AFDN: variants seen among roughly 807,000 people sequenced by gnomAD.
The protein encoded by AFDN is afadin.
In AFDN, 68 loss-of-function variants were observed where a neutral mutation model predicts 216.6. The observed-to-expected ratio is 0.31, with a 90% CI of 0.26 to 0.38. The LOEUF is 0.38. Ranked by LOEUF, AFDN falls within the 10% of genes least tolerant of loss-of-function variation. The pLI, the probability that AFDN is intolerant of heterozygous loss-of-function variation, is 1.00. For missense variants in AFDN, 2,136 were observed against 2,342.0 expected, an observed-to-expected ratio of 0.91 and a Z score of 1.82; for synonymous variants, 868 against 853.7, an observed-to-expected ratio of 1.02 and a Z score of -0.29.
rs186907131 is a variant in AFDN at position 167,950,287 on chromosome 6, G to A, written c.3832-899G>A. Among the ~76,000 whole-genome samples the A allele has an allele frequency of 1.3e-3, 194 of 152,246 alleles. 3 individuals are homozygous for A. The highest frequency in any genetic ancestry group is 4.5e-3 in the African/African-American group (185 of 41,556). ...GTAACAGGGCAGGAAAAAGATGCTT[G>A]ATTCAGACCTCATAGTGATCATGTT... On this transcript the variant is annotated intron_variant, in intron 29 of 33. Transcript: ENST00000683244.
chr6:167,933,883 T>G (rs140652891), intron 23 of AFDN, among the ~76,000 whole-genome samples: 1 of 152,186 alleles, frequency 6.6e-6, no homozygotes, highest in Non-Finnish European at 1.5e-5. Context: ...ATATTGGCTG[T>G]GGGGTAGCCC....
At chr6:167,963,249 C>G (rs1031378962) in intron 31 of AFDN, 2 of 1,063,066 alleles carry the variant, frequency 1.9e-6, no homozygotes. Flanking sequence ...TGTGTGTGGC[C>G]GACGCCCTCT....
chr6:167,869,236 T>G (rs1242416628), intron 2 of AFDN, among the ~76,000 whole-genome samples: 1 of 152,074 alleles, frequency 6.6e-6, no homozygotes, highest in African/African-American at 2.4e-5. Flanking sequence ...GTGATTTTAT[T>G]TTATGGTGAA....
intron 6 of AFDN, among the ~76,000 whole-genome samples, chr6:167,887,343 TTC>T (rs1444319709): frequency 2.0e-5 from 3 of 152,232 alleles, no homozygotes; most frequent in Admixed American, 6.5e-5. Flanking sequence ...TGGTTTTCTG[TTC>T]TGTTATTTCC....
rs149682979 is a variant in AFDN at position 167,966,829 on chromosome 6, G to C, written c.5257+784G>C. Among the ~76,000 whole-genome samples, 285 of 152,352 alleles carry C rather than the reference G, an allele frequency of 1.9e-3. 1 individual carries two copies. Among genetic ancestry groups the C allele is most frequent in the Middle Eastern group, 0.01 (3 of 294 alleles). On this transcript the variant is annotated intron_variant, in intron 32 of 33. Coordinates refer to ENST00000683244, the MANE Select transcript of AFDN (RefSeq NM_001386888.1). The stretch of plus-strand genomic sequence containing the variant: ...CTGTTGGCTTCATGACCTCCGTGCA[G>C]GCTGCCTCACGCCAGGGTCCAGAGA...
intron 33 of AFDN, 39 bp from the exon 34 acceptor site, chr6:167,969,743 A>G (rs1797892473): frequency 6.4e-7 from 1 of 1,564,360 alleles, no homozygotes; most frequent in Non-Finnish European, 8.6e-7. Context: ...GGTTGTTTCT[A>G]GTTTGTCCAG....
intron 29 of AFDN, 95 bp downstream of exon 29, chr6:167,948,573 G>C (rs1389165318): frequency 1.6e-6 from 2 of 1,214,658 alleles, no homozygotes; most frequent in African/African-American, 3.1e-5. Context: ...GAACAGCATT[G>C]TTGGCCTTTT....
At chr6:167,866,894 C>T (rs973119435) in intron 2 of AFDN, among the ~76,000 whole-genome samples, 5 of 152,144 alleles carry the variant, frequency 3.3e-5, no homozygotes, top group African/African-American at 9.7e-5. Flanking sequence ...GTTTGCATAC[C>T]GCAGCCCTAG....
Position 167,971,966 on chromosome 6 carries a change from C to G in AFDN, c.*2031C>G, listed in dbSNP as rs572532196. 1 of 195,974 alleles carries G rather than the reference C, an allele frequency of 5.1e-6. No homozygotes were observed. The highest frequency in any genetic ancestry group is 2.3e-5 in the African/African-American group (1 of 43,266). 12.1% of individuals were successfully genotyped at this position (195,974 alleles called of 1,614,324 possible). On this transcript the variant is annotated 3_prime_UTR_variant, in exon 34 of 34. Coordinates refer to ENST00000683244, the MANE Select transcript of AFDN (RefSeq NM_001386888.1). ...CAAAGTTTATATTTGTAACATCAGC[C>G]TTCCTCGCCCATCTCTTTCCATCTG...
chr6:167,830,242 C>T (rs1450947941), intron 1 of AFDN, among the ~76,000 whole-genome samples: 1 of 152,192 alleles, frequency 6.6e-6, no homozygotes, highest in Admixed American at 6.5e-5. Flanking sequence ...TAGAAGAGGG[C>T]TTCTCTGGTT....
intron 17 of AFDN, 98 bp from the exon 18 acceptor site, chr6:167,914,546 A>T: frequency 3.1e-6 from 3 of 974,464 alleles, no homozygotes; most frequent in South Asian, 3.3e-5. Flanking sequence ...TTAATGGAAA[A>T]TATTTTTTAA....
intron 8 of AFDN, among the ~76,000 whole-genome samples, chr6:167,892,786 G>A (rs1052083251): frequency 2.0e-5 from 3 of 152,136 alleles, no homozygotes; most frequent in African/African-American, 7.2e-5. Flanking sequence ...CATACTTATA[G>A]TCTCTCAGGT....
At chr6:167,839,826 T>G (rs1394857017) in intron 1 of AFDN, among the ~76,000 whole-genome samples, 1 of 152,150 alleles carries the variant, frequency 6.6e-6, no homozygotes, top group Non-Finnish European at 1.5e-5. Context: ...AAATACTCTA[T>G]TTGGGTGGTG....
chr6:167,897,722 C>G (rs955363011), intron 10 of AFDN, among the ~76,000 whole-genome samples: 2 of 141,344 alleles, frequency 1.4e-5, no homozygotes, highest in African/African-American at 5.4e-5. Flanking sequence ...TCTCGGCTCT[C>G]TGTAACCTCC....
chr6:167,951,938 G>A lies in AFDN; in HGVS notation c.4584G>A (p.Lys1528=). The A allele has an allele frequency of 6.2e-7, 1 of 1,614,128 alleles. No individual in the cohort carries two copies. Among genetic ancestry groups the A allele is most frequent in the Non-Finnish European group, 8.5e-7 (1 of 1,180,034 alleles). The change falls in exon 30 of 34, where the codon AAG becomes AAA. Residue 1528 remains lysine, a synonymous_variant. Transcript: ENST00000683244. The surrounding 1 kb of genome is among the most constrained non-coding windows in gnomAD (Gnocchi z 7.1). ...CCGACCCGTGGAAGCGGGACGCCAA[G>A]GAGAAGCTGGAGAAGCAGCAGCAGA... ...LSPDPWKRDA[K]EKLEKQQQMH...
intron 1 of AFDN, 95 bp from the exon 2 acceptor site, chr6:167,864,456 A>T (rs1783949153): frequency 6.6e-6 from 8 of 1,208,848 alleles, no homozygotes; most frequent in Admixed American, 1.7e-5. Flanking sequence ...AGCATTTTTT[A>T]AAAAAGTGAA....
intron 11 of AFDN, among the ~76,000 whole-genome samples, chr6:167,899,102 A>G (rs1001536432): frequency 6.6e-6 from 1 of 152,178 alleles, no homozygotes; most frequent in African/African-American, 2.4e-5. Flanking sequence ...TGAAGCACAG[A>G]CATGAACCCG....
chr6:167,962,335 T>C lies in AFDN; in HGVS notation c.4834-98T>C. 3.4e-6 allele frequency: 5 copies of C among 1,481,440 alleles called. No individual in the cohort carries two copies. Among genetic ancestry groups the C allele is most frequent in the Non-Finnish European group, 3.7e-6 (4 of 1,092,778 alleles). The allele number at this position is 1,481,440 out of a possible 1,614,324, so 91.8% of individuals were successfully genotyped here. A position where few individuals can be genotyped will look rare whatever the true frequency, so the allele number is the denominator to read the frequency against. On this transcript the variant is annotated intron_variant, in intron 30 of 33. Coordinates refer to ENST00000683244, the MANE Select transcript of AFDN (RefSeq NM_001386888.1). The surrounding 1 kb of genome is among the most constrained non-coding windows in gnomAD (Gnocchi z 5.2). The stretch of plus-strand genomic sequence containing the variant: ...TTATATTTAACTTTCTGTGTGTGTG[T>C]GTTTGTGTATATGTGTGTCTACTTG...
At chr6:167,903,832 CAG>C (rs1386024070) in intron 12 of AFDN, among the ~76,000 whole-genome samples, 1 of 152,192 alleles carries the variant, frequency 6.6e-6, no homozygotes, top group Non-Finnish European at 1.5e-5. Context: ...GACTGTCTGT[CAG>C]GGGGACTGAT....
Sources: allele counts gnomAD v4.1 joint callset (sites outside exome capture counted in the v4.1 genomes callset), GRCh38; gene constraint gnomAD v4.1.1; non-coding constraint Gnocchi (gnomAD v3.1); transcripts MANE v1.5; gene names NCBI Gene and HGNC (gene_info 2026-07-23, HGNC 2026-07-21).